Variants in KMT2C observed in about 807,000 individuals in gnomAD.
The protein encoded by KMT2C is histone-lysine N-methyltransferase 2C.
KMT2C carries 88 observed loss-of-function variants against 507.9 expected under a neutral mutation model. That is an observed-to-expected ratio of 0.17 (90% CI 0.15 to 0.21). The LOEUF is 0.21. Among genes scored for constraint, KMT2C ranks in the 10% least tolerant of loss-of-function variants. The pLI is 1.00. For missense variants in KMT2C, 4,954 were observed against 5,957.8 expected, an observed-to-expected ratio of 0.83 and a Z score of 5.55; for synonymous variants, 2,049 against 2,080.8, an observed-to-expected ratio of 0.98 and a Z score of 0.42.
In KMT2C at chr7:152,148,388, C is replaced by G. The variant is rs2091343976; in HGVS notation, c.13539G>C (p.Glu4513Asp). Residue 4513 changes from glutamate to aspartate, a missense_variant, in exon 52 of 59, where the codon GAG becomes GAC. Transcript: ENST00000262189. The surrounding 1 kb of genome is among the most constrained non-coding windows in gnomAD (Gnocchi z 7.1). ...CPMHKPKGIH[E>D]QELSYFAVFR... ...AGACTGCAAAGTAACTTAATTCTTGCTCATGAATTCCCTTTGGTTTGTGCA... is the reference window on the plus strand; with the variant it reads ...AGACTGCAAAGTAACTTAATTCTTGGTCATGAATTCCCTTTGGTTTGTGCA... 10 of 1,614,152 alleles carry G rather than the reference C, an allele frequency of 6.2e-6. No homozygotes were observed. Among genetic ancestry groups the G allele is most frequent in the African/African-American group, 2.7e-5 (2 of 74,954 alleles).
At chr7:152,285,549 T>C (rs373531586) in intron 6 of KMT2C, among the ~76,000 whole-genome samples, 1 of 152,264 alleles carries the variant, frequency 6.6e-6, no homozygotes, top group African/African-American at 2.4e-5. Context: ...CAGAGTAACT[T>C]TCCTAAAATG....
intron 2 of KMT2C, among the ~76,000 whole-genome samples, chr7:152,354,141 A>G (rs142062152): frequency 6.5e-4 from 99 of 152,100 alleles, no homozygotes; most frequent in African/African-American, 1.5e-3. Context: ...AAGCCAGGTT[A>G]AAAAAAATAG....
chr7:152,194,075 T>C lies in KMT2C; in HGVS notation c.4594A>G (p.Asn1532Asp), dbSNP rs1476072813. Residue 1532 changes from asparagine to aspartate, a missense_variant, in exon 31 of 59, where the codon AAC becomes GAC. Asn to Asp is a conservative substitution (Grantham distance 23). Transcript: ENST00000262189. The part of the protein sequence containing the change: ...DLFTAVLSPA[N>D]TQPTPLPQPP... ...TGTGGCAATGGAGTTGGCTGAGTGT[T>C]CGCAGGACTAAGTACAGCTGTAAAT... 6.3e-7 allele frequency: 1 copy of C among 1,595,374 alleles called. No homozygotes were observed. The highest frequency in any genetic ancestry group is 1.4e-5 in the African/African-American group (1 of 73,712).
chr7:152,342,224 A>T (rs1383723515), intron 2 of KMT2C, among the ~76,000 whole-genome samples: 1 of 152,268 alleles, frequency 6.6e-6, no homozygotes, highest in Middle Eastern at 3.2e-3. Context: ...ATTTTGATAC[A>T]TAACTCAAGG....
At chr7:152,363,622 C>T (rs1178702710) in intron 1 of KMT2C, among the ~76,000 whole-genome samples, 7 of 152,090 alleles carry the variant, frequency 4.6e-5, no homozygotes, top group Admixed American at 4.6e-4. Flanking sequence ...TTCTGCTTGG[C>T]ATTAATTTAG....
At chr7:152,377,439 A>C (rs978782619) in intron 1 of KMT2C, among the ~76,000 whole-genome samples, 6 of 152,356 alleles carry the variant, frequency 3.9e-5, no homozygotes, top group South Asian at 2.1e-4. Flanking sequence ...CTTACTGTTT[A>C]AGAAATACAT....
At chr7:152,162,091 T>G in intron 43 of KMT2C, 26 bp downstream of exon 43, 1 of 1,496,766 alleles carries the variant, frequency 6.7e-7, no homozygotes, top group Non-Finnish European at 8.9e-7. Context: ...AAGAAAAAAG[T>G]TGTCGTTTTT....
At chr7:152,325,119 T>C (rs924273493) in intron 3 of KMT2C, among the ~76,000 whole-genome samples, 8 of 151,964 alleles carry the variant, frequency 5.3e-5, no homozygotes, top group African/African-American at 1.9e-4. Flanking sequence ...CATGAAAAGT[T>C]GTAAATTTAA....
rs563820334 is a variant in KMT2C, at chr7:152,164,618, C to T, written c.9751-792G>A. ...CAACATTTTAAGACAAGATGAATTACCAGCACGAATATCACACCCCCCACC... is the reference window on the plus strand; with the variant it reads ...CAACATTTTAAGACAAGATGAATTATCAGCACGAATATCACACCCCCCACC... On this transcript the variant is annotated intron_variant, in intron 42 of 58. Coordinates refer to ENST00000262189, the MANE Select transcript of KMT2C (RefSeq NM_170606.3). Among the ~76,000 whole-genome samples, 224 of 152,190 alleles carry T rather than the reference C, an allele frequency of 1.5e-3. 3 individuals carry two copies. The highest frequency in any genetic ancestry group is 3.4e-3 in the Middle Eastern group (1 of 294).
intron 6 of KMT2C, among the ~76,000 whole-genome samples, chr7:152,308,285 TTCTA>T (rs1173086135): frequency 1.3e-5 from 2 of 152,196 alleles, no homozygotes; most frequent in African/African-American, 2.4e-5. Context: ...TTTGCCTATG[TTCTA>T]TCTATTAAAG....
chr7:152,219,291 A>AT (rs1209480716), intron 23 of KMT2C, among the ~76,000 whole-genome samples: 3 of 152,142 alleles, frequency 2.0e-5, no homozygotes, highest in Admixed American at 2.0e-4. Context: ...ATCAAACTTT[A>AT]TTTTTACCAT....
intron 6 of KMT2C, among the ~76,000 whole-genome samples, chr7:152,292,603 A>T (rs1045251214): frequency 6.6e-6 from 1 of 152,188 alleles, no homozygotes; most frequent in Non-Finnish European, 1.5e-5. Flanking sequence ...AAAGGTAAAA[A>T]ACATTTTTAG....
At chr7:152,205,273 A>G (rs1473189843) in intron 24 of KMT2C, 48 bp from the exon 25 acceptor site, 1 of 1,546,360 alleles carries the variant, frequency 6.5e-7, no homozygotes, top group Non-Finnish European at 8.9e-7. Context: ...TTCTCCCTAC[A>G]TTTCCACAGT....
intron 1 of KMT2C, among the ~76,000 whole-genome samples, chr7:152,360,261 T>C (rs988145710): frequency 3.6e-4 from 55 of 152,052 alleles, no homozygotes; most frequent in African/African-American, 1.3e-3. Flanking sequence ...GTGGATCACC[T>C]GAGGTCAGGA....
chr7:152,149,135 C>T lies in KMT2C; in HGVS notation c.12792G>A (p.Leu4264=), dbSNP rs2129095741. 6.9e-7 allele frequency: 1 copy of T among 1,452,038 alleles called. No individual in the cohort carries two copies. The highest frequency in any genetic ancestry group is 9.1e-7 in the Non-Finnish European group (1 of 1,102,574). 89.9% of individuals were successfully genotyped at this position (1,452,038 alleles called of 1,614,324 possible). ...GCGTTTCTCTCATAGGTGATTGTGG[C>T]AATGAAGGAATGGATTCCTGGGCAA... The part of the protein sequence containing the change: ...NSENKESIPS[L]PQSPMRETPS... Residue 4264 remains leucine (L), a synonymous_variant, in exon 52 of 59, where the codon TTG becomes TTA. Coordinates refer to ENST00000262189, the MANE Select transcript of KMT2C (RefSeq NM_170606.3).
At chr7:152,166,011 T>G (rs1274591976) in intron 42 of KMT2C, among the ~76,000 whole-genome samples, 1 of 152,132 alleles carries the variant, frequency 6.6e-6, no homozygotes, top group African/African-American at 2.4e-5. Context: ...GTTTATAACC[T>G]TTACAATGAA....
chr7:152,181,397 T>C lies in KMT2C; in HGVS notation c.6463A>G (p.Asn2155Asp), dbSNP rs752179756. 3.1e-6 allele frequency: 5 copies of C among 1,613,920 alleles called. No homozygotes were observed. Among genetic ancestry groups the C allele is most frequent in the Non-Finnish European group, 4.2e-6 (5 of 1,180,016 alleles). The change falls in exon 36 of 59, where the codon AAT becomes GAT. Residue 2155 changes from asparagine (N) to aspartate (D), a missense_variant. Transcript: ENST00000262189. ...GGAGGTTGAGAGTAAGGGTCTGTAT[T>C]GGACCTAGCTGTTCCTGAAGATTGG... ...YSQSSGTARS[N>D]TDPYSQPPGT...
At chr7:152,367,400 GTGAGACAGGGTCT>G in intron 1 of KMT2C, 1 of 687,468 alleles carries the variant, frequency 1.5e-6, no homozygotes, top group Non-Finnish European at 2.5e-6. Flanking sequence ...AGCATACAAA[GTGAGACAGGGTCT>G]CGCCTTATTT....
At chr7:152,182,659 G>A (rs1048753237) in intron 35 of KMT2C, 65 bp from the exon 36 acceptor site, 3 of 1,382,500 alleles carry the variant, frequency 2.2e-6, no homozygotes, top group Non-Finnish European at 1.9e-6. Context: ...CATCATGGGG[G>A]GAAAAAGCAA....
Sources: gnomAD v4.1 joint callset for allele counts (sites outside exome capture counted in the v4.1 genomes callset) on GRCh38, gnomAD v4.1.1 for gene constraint, Gnocchi (gnomAD v3.1) non-coding constraint, MANE v1.5 for transcripts, NCBI Gene and HGNC (gene_info 2026-07-23, HGNC 2026-07-21) for gene names.